Variants in CCDC57 observed in about 807,000 individuals in gnomAD.
CCDC57 encodes coiled-coil domain containing 57.
CCDC57 carries 118 observed loss-of-function variants against 118.9 expected under a neutral mutation model. The ratio of observed to expected loss-of-function variants is 0.99; its 90% CI spans 0.86 to 1.16. CCDC57 has a LOEUF of 1.16. Among genes scored for constraint, CCDC57 ranks in the 50% most tolerant of loss-of-function variants. The pLI, the probability that CCDC57 is intolerant of heterozygous loss-of-function variation, is 0.00. For synonymous variants in CCDC57, 527 were observed against 532.9 expected (o/e 0.99, Z 0.15); for missense variants, 1,300 against 1,320.7 (o/e 0.98, Z 0.24).
intron 7 of CCDC57, 60 bp downstream of exon 6, chr17:82,193,696 C>T (rs2047952626): frequency 7.0e-7 from 1 of 1,432,696 alleles, no homozygotes; most frequent in South Asian, 1.2e-5. Context: ...AATGGTTCCA[C>T]TTCCCTCCTC....
At chr17:82,204,798 C>T (rs1420937111) in intron 2 of CCDC57, among the ~76,000 whole-genome samples, 3 of 152,060 alleles carry the variant, frequency 2.0e-5, no homozygotes, top group Non-Finnish European at 2.9e-5. Flanking sequence ...AAAAAAAAGG[C>T]TTAACCAGGC....
Position 82,192,551 on chromosome 17 carries a change from T to C in CCDC57, c.851+1205A>G, listed in dbSNP as rs9674653. Among the ~76,000 whole-genome samples the C allele has an allele frequency of 7.2e-3, 1,098 of 152,336 alleles. 11 individuals carry two copies. Among genetic ancestry groups the C allele is most frequent in the African/African-American group, 0.026 (1,072 of 41,582 alleles). ...AAAAACACACGAAGAGAAACAGTGT[T>C]TGTCCAGCTTCATCATGGCCACACG... On this transcript the variant is annotated intron_variant, in intron 7 of 19. Transcript: ENST00000665763. This position sits in a 1 kb window ranked among gnomAD's most constrained non-coding sequence, Gnocchi z 4.0.
intron 18 of CCDC57, 61 bp from the exon 18 acceptor site, chr17:82,127,969 T>TC (rs1184150579): frequency 1.5e-5 from 23 of 1,584,560 alleles, no homozygotes; most frequent in Admixed American, 5.7e-5. Context: ...GCCACAGGAC[T>TC]CCCCCCAACC....
chr17:82,142,782 A>G (rs923880867), intron 16 of CCDC57, among the ~76,000 whole-genome samples: 3 of 152,234 alleles, frequency 2.0e-5, no homozygotes, highest in African/African-American at 7.2e-5. Flanking sequence ...AATAGAATAA[A>G]ATAAAAAGTA....
intron 8 of CCDC57, among the ~76,000 whole-genome samples, chr17:82,187,796 G>C (rs1425448051): frequency 7.5e-6 from 1 of 133,840 alleles, no homozygotes; most frequent in Non-Finnish European, 1.6e-5. Flanking sequence ...GGCGGGGCTG[G>C]GGGGAGCTGG....
chr17:82,181,615 T>C (rs766941870), intron 9 of CCDC57, among the ~76,000 whole-genome samples: 6 of 152,076 alleles, frequency 3.9e-5, no homozygotes, highest in Non-Finnish European at 5.9e-5. Context: ...AATCAGCCCA[T>C]AGAAACAGAC....
At chr17:82,149,839 A>C (rs966309787) in intron 16 of CCDC57, among the ~76,000 whole-genome samples, 1 of 150,092 alleles carries the variant, frequency 6.7e-6, no homozygotes, top group Non-Finnish European at 1.5e-5. Context: ...GCGCACACCC[A>C]GAACCTGGCG....
At chr17:82,180,438 G>A (rs958261641) in intron 9 of CCDC57, among the ~76,000 whole-genome samples, 4 of 152,176 alleles carry the variant, frequency 2.6e-5, no homozygotes, top group Admixed American at 2.6e-4. Flanking sequence ...CTAAGTTTGT[G>A]GTAATTTATA....
chr17:82,115,891 G>T (rs186296449), intron 19 of CCDC57, among the ~76,000 whole-genome samples: 1 of 134,660 alleles, frequency 7.4e-6, no homozygotes, highest in Admixed American at 8.3e-5. Context: ...TCCACCCTCC[G>T]AGTTCAAGCG....
intron 1 of CCDC57, among the ~76,000 whole-genome samples, chr17:82,209,889 G>A (rs2050049368): frequency 6.6e-6 from 1 of 152,154 alleles, no homozygotes; most frequent in Non-Finnish European, 1.5e-5. Flanking sequence ...AAGCCAAGAA[G>A]AAATGGCATC....
intron 7 of CCDC57, among the ~76,000 whole-genome samples, chr17:82,190,029 T>A (rs895902659): frequency 1.4e-4 from 21 of 150,972 alleles, no homozygotes; most frequent in Non-Finnish European, 2.8e-4. Flanking sequence ...AAAAAAAAAA[T>A]GATGAGACAC....
chr17:82,127,342 C>G lies in CCDC57; in HGVS notation c.2899+350G>C, dbSNP rs116684327. ...AAAGTGCACCAATGCCCACGCGTCT[C>G]ACCTGGGCTCCATTCTAAGTCAGCC... On this transcript the variant is annotated intron_variant, in intron 19 of 19. Coordinates refer to ENST00000665763, the Ensembl canonical transcript of CCDC57. The G allele has an allele frequency of 3.0e-3, 2,932 of 981,118 alleles. 75 individuals carry two copies. In the African/African-American group the frequency reaches 0.048, roughly 16 times the overall value. The allele number at this position is 981,118 out of a possible 1,614,324, so 60.8% of individuals were successfully genotyped here.
rs961069328 is a variant in CCDC57 at position 82,118,472 on chromosome 17, C to T, written c.2899+9220G>A. On this transcript the variant is annotated intron_variant, in intron 19 of 19. Coordinates refer to ENST00000665763, the Ensembl canonical transcript of CCDC57. The surrounding 1 kb of genome is among the most constrained non-coding windows in gnomAD (Gnocchi z 4.7). ...TGCCCCAGCGAGGTGCGAGGTGCTC[C>T]GGAACTTGCGGGGCTTAGCTGCCCA... 2.6e-5 allele frequency among the ~76,000 whole-genome samples: 4 copies of T among 152,238 alleles called. No individual in the cohort carries two copies. Among genetic ancestry groups the T allele is most frequent in the South Asian group, 4.1e-4 (2 of 4,832 alleles).
chr17:82,193,364 T>C (rs1427896184), intron 7 of CCDC57, among the ~76,000 whole-genome samples: 1 of 151,984 alleles, frequency 6.6e-6, no homozygotes, highest in African/African-American at 2.4e-5. Context: ...CTGGCCAACA[T>C]GGTGAGACCC....
intron 19 of CCDC57, chr17:82,107,378 G>GAGTGGGA (rs2034928980): frequency 2.1e-6 from 1 of 465,386 alleles, no homozygotes; most frequent in Admixed American, 2.4e-5. Flanking sequence ...CGGGAGTGGG[G>GAGTGGGA]AGTGGGGAGT....
At chr17:82,151,965 C>T in intron 15 of CCDC57, 192 bp from the exon 15 acceptor site, 1 of 590,826 alleles carries the variant, frequency 1.7e-6, no homozygotes. Context: ...TCCTTCTCTT[C>T]CACAAATAGA....
At chr17:82,128,124 G>T (rs1218718322) in intron 18 of CCDC57, among the ~76,000 whole-genome samples, 1 of 152,172 alleles carries the variant, frequency 6.6e-6, no homozygotes, top group Non-Finnish European at 1.5e-5. Context: ...TGTGGGCAGG[G>T]CCTGAATCTC....
At chr17:82,113,807 A>G in intron 19 of CCDC57, 1 of 627,400 alleles carries the variant, frequency 1.6e-6, no homozygotes, top group Non-Finnish European at 2.9e-6. Context: ...TTAGCCAGCT[A>G]TGGTGATGTG....
At chr17:82,128,622 G>A (rs1193412132) in intron 17 of CCDC57, 25 bp from the exon 17 acceptor site, 1 of 1,529,470 alleles carries the variant, frequency 6.5e-7, no homozygotes, top group East Asian at 2.4e-5. Flanking sequence ...TAAATGAGAG[G>A]ACTCTGGTAT....
Sources: gnomAD v4.1 joint callset for allele counts (sites outside exome capture counted in the v4.1 genomes callset) on GRCh38, gnomAD v4.1.1 for gene constraint, Gnocchi (gnomAD v3.1) non-coding constraint, MANE v1.5 for transcripts, NCBI Gene and HGNC (gene_info 2026-07-23, HGNC 2026-07-21) for gene names.